The following PRKCE variants were observed in gnomAD, a reference collection of about 807,000 sequenced individuals.
PRKCE encodes protein kinase C epsilon.
PRKCE carries 16 observed loss-of-function variants against 85.4 expected under a neutral mutation model. The ratio of observed to expected loss-of-function variants is 0.19; its 90% CI spans 0.13 to 0.28. PRKCE has a LOEUF of 0.28. Ranked by LOEUF, PRKCE falls within the 10% of genes least tolerant of loss-of-function variation. The pLI is 1.00. For synonymous variants in PRKCE, 388 were observed against 371.5 expected (o/e 1.04, Z -0.51); for missense variants, 573 against 975.2 (o/e 0.59, Z 5.49).
At chr2:45,677,770 G>A in intron 1 of PRKCE, 1 of 800,154 alleles carries the variant, frequency 1.2e-6, no homozygotes. Flanking sequence ...GGTGTTATTT[G>A]CTGGGTGGGC....
chr2:46,097,519 C>CAAAAAAAAAAAAAAAAAAAAAAA (rs66634467), intron 11 of PRKCE, among the ~76,000 whole-genome samples: 32 of 94,110 alleles, frequency 3.4e-4, no homozygotes, highest in African/African-American at 6.7e-4. Context: ...GACTCCGTCT[C>CAAAAAAAAAAAAAAAAAAAAAAA]AAAAAAAAAA....
At chr2:46,048,924 T>C (rs1304762378) in intron 10 of PRKCE, among the ~76,000 whole-genome samples, 1 of 152,124 alleles carries the variant, frequency 6.6e-6, no homozygotes, top group Non-Finnish European at 1.5e-5. Flanking sequence ...GCACCAGTCA[T>C]GTGTTGTAAT....
At chr2:45,843,608 C>T (rs1053393865) in intron 2 of PRKCE, among the ~76,000 whole-genome samples, 4 of 152,212 alleles carry the variant, frequency 2.6e-5, no homozygotes, top group African/African-American at 9.7e-5. Context: ...CTTCCTCTTA[C>T]ACCCTCTTCT....
chr2:45,669,785 C>G (rs1019992937), intron 1 of PRKCE, among the ~76,000 whole-genome samples: 1 of 152,112 alleles, frequency 6.6e-6, no homozygotes. Context: ...CCAAGGTGGG[C>G]GTATCACTTG....
intron 14 of PRKCE, chr2:46,160,052 G>T: frequency 3.0e-6 from 1 of 331,274 alleles, no homozygotes. Flanking sequence ...AATGATACTA[G>T]TTTTCCATGT....
chr2:45,954,628 A>G (rs1442237589), intron 2 of PRKCE, among the ~76,000 whole-genome samples: 2 of 152,208 alleles, frequency 1.3e-5, no homozygotes, highest in African/African-American at 4.8e-5. Flanking sequence ...AAAGTAATGT[A>G]TAGAATTTGT....
intron 1 of PRKCE, among the ~76,000 whole-genome samples, chr2:45,833,138 C>CAAAAA (rs35838849): frequency 8.3e-6 from 1 of 120,182 alleles, no homozygotes; most frequent in Non-Finnish European, 1.7e-5. Flanking sequence ...GGCAACATGG[C>CAAAAA]AAAAAAAAAA....
intron 2 of PRKCE, among the ~76,000 whole-genome samples, chr2:45,918,294 G>C (rs935651): frequency 0.45 from 68,012 of 152,068 alleles, 15,389 homozygotes; most frequent in South Asian, 0.59. Flanking sequence ...GGAGCCTTTC[G>C]TTCCCCAGCA....
intron 2 of PRKCE, among the ~76,000 whole-genome samples, chr2:45,927,461 G>T (rs1365044640): frequency 1.3e-5 from 2 of 152,118 alleles, no homozygotes; most frequent in Admixed American, 6.6e-5. Context: ...AACAGAAGAG[G>T]TACCTCCCTC....
At chr2:45,820,317 G>T (rs541850132) in intron 1 of PRKCE, among the ~76,000 whole-genome samples, 98 of 152,258 alleles carry the variant, frequency 6.4e-4, no homozygotes, top group African/African-American at 2.2e-3. Context: ...AAGGATACGG[G>T]TGTGGACCTG....
chr2:45,815,860 A>G (rs1689000267), intron 1 of PRKCE, among the ~76,000 whole-genome samples: 1 of 152,192 alleles, frequency 6.6e-6, no homozygotes, highest in Non-Finnish European at 1.5e-5. Context: ...CTTGGGTGTC[A>G]TCCTCAAGTC....
At chr2:45,653,984 C>A (rs940040501) in intron 1 of PRKCE, among the ~76,000 whole-genome samples, 1 of 152,192 alleles carries the variant, frequency 6.6e-6, no homozygotes, top group African/African-American at 2.4e-5. Context: ...GAATGCAGTG[C>A]ATATGAGAGG....
chr2:46,091,978 A>G (rs1411094638), intron 11 of PRKCE, among the ~76,000 whole-genome samples: 1 of 152,246 alleles, frequency 6.6e-6, no homozygotes, highest in African/African-American at 2.4e-5. Context: ...TAAGCAGTGA[A>G]GAAAGGCGTA....
At chr2:45,768,917 A>G (rs1042105500) in intron 1 of PRKCE, among the ~76,000 whole-genome samples, 1 of 152,186 alleles carries the variant, frequency 6.6e-6, no homozygotes, top group African/African-American at 2.4e-5. Flanking sequence ...TCTCCACGTT[A>G]CCAGGACAGG....
intron 1 of PRKCE, among the ~76,000 whole-genome samples, chr2:45,827,995 C>T (rs1320380437): frequency 1.3e-5 from 2 of 151,998 alleles, no homozygotes; most frequent in Non-Finnish European, 2.9e-5. Context: ...GAATATATTC[C>T]AGCAGATTCC....
chr2:46,101,163 T>A (rs1349536881), intron 11 of PRKCE, among the ~76,000 whole-genome samples: 1 of 152,196 alleles, frequency 6.6e-6, no homozygotes, highest in Non-Finnish European at 1.5e-5. Flanking sequence ...CCACCATGCC[T>A]GGCCTATTTC....
chr2:45,899,592 A>G (rs575454593), intron 2 of PRKCE, among the ~76,000 whole-genome samples: 2 of 152,224 alleles, frequency 1.3e-5, no homozygotes, highest in Admixed American at 1.3e-4. Context: ...CATGTTGCCC[A>G]GGCTGGTCTT....
At chr2:45,662,517 G>A (rs1675717355) in intron 1 of PRKCE, among the ~76,000 whole-genome samples, 1 of 152,092 alleles carries the variant, frequency 6.6e-6, no homozygotes, top group Non-Finnish European at 1.5e-5. Flanking sequence ...GAAATCAGGA[G>A]TTAGGATAGT....
chr2:45,657,493 G>T (rs902142080), intron 1 of PRKCE, among the ~76,000 whole-genome samples: 2 of 152,112 alleles, frequency 1.3e-5, no homozygotes, highest in African/African-American at 4.8e-5. Context: ...CCTAGTAACT[G>T]CTCAATGCAT....
Sources: gnomAD v4.1 joint callset for allele counts (sites outside exome capture counted in the v4.1 genomes callset) on GRCh38, gnomAD v4.1.1 for gene constraint, MANE v1.5 for transcripts, NCBI Gene and HGNC (gene_info 2026-07-23, HGNC 2026-07-21) for gene names.